Variants in PCDHA11 observed in about 807,000 individuals in gnomAD.
PCDHA11 encodes protocadherin alpha 11, also known as protocadherin alpha-11.
PCDHA11 carries 61 observed loss-of-function variants against 70.3 expected under a neutral mutation model. That is an observed-to-expected ratio of 0.87 (90% CI 0.71 to 1.07). The LOEUF is 1.07. Ranked by LOEUF, PCDHA11 falls within the 50% of genes least tolerant of loss-of-function variation. PCDHA11 has a pLI of 0.00. For synonymous variants in PCDHA11, 633 were observed against 555.1 expected (o/e 1.14, Z -1.97); for missense variants, 1,324 against 1,237.5 (o/e 1.07, Z -1.05).
At chr5:140,877,575 C>T (rs1244471489) in intron 1 of PCDHA11, 1 of 1,613,826 alleles carries the variant, frequency 6.2e-7, no homozygotes, top group Non-Finnish European at 8.5e-7. Context: ...TGTACCTCAT[C>T]ATCGCCATCT....
intron 1 of PCDHA11, chr5:140,884,363 T>A (rs1444938392): frequency 6.2e-7 from 1 of 1,613,818 alleles, no homozygotes; most frequent in African/African-American, 1.3e-5. Context: ...TGTCAATGTT[T>A]ACTTGATCAT....
At chr5:140,969,948 G>A (rs1206322511) in intron 1 of PCDHA11, among the ~76,000 whole-genome samples, 3 of 152,198 alleles carry the variant, frequency 2.0e-5, no homozygotes, top group African/African-American at 7.2e-5. Context: ...TGAAGCTAAA[G>A]TTTGCTTTGG....
chr5:140,901,642 C>T lies in PCDHA11; in HGVS notation c.2391+30148C>T, dbSNP rs369623028. Among the ~76,000 whole-genome samples, 37 of 152,054 alleles carry T rather than the reference C, an allele frequency of 2.4e-4. No individual in the cohort carries two copies. In the East Asian group the frequency reaches 3.3e-3, roughly 13 times the overall value. On this transcript the variant is annotated intron_variant, in intron 1 of 3. Transcript: ENST00000398640. ...TTGAAGTCAGGTAATGTGATTCTTC[C>T]GGTTTTGTTCTTTTTGCTCAAGATA...
chr5:140,954,523 G>A (rs1368260807), intron 1 of PCDHA11, among the ~76,000 whole-genome samples: 4 of 152,186 alleles, frequency 2.6e-5, no homozygotes, highest in African/African-American at 9.6e-5. Flanking sequence ...AATGATCAGT[G>A]ATGTTGAGGT....
chr5:140,933,388 GCCATCTGGTTA>G (rs1563137793), intron 1 of PCDHA11, among the ~76,000 whole-genome samples: 2 of 151,906 alleles, frequency 1.3e-5, no homozygotes, highest in Non-Finnish European at 2.9e-5. Context: ...TGTTCCTAGA[GCCATCTGGTTA>G]CCATCTACAG....
chr5:140,968,832 C>A (rs1554231147), intron 1 of PCDHA11: 1 of 1,614,200 alleles, frequency 6.2e-7, no homozygotes, highest in East Asian at 2.2e-5. Flanking sequence ...AAAATCCTCC[C>A]TGACACTCAG....
chr5:140,917,746 G>T (rs1200600528), intron 1 of PCDHA11, among the ~76,000 whole-genome samples: 2 of 152,122 alleles, frequency 1.3e-5, no homozygotes, highest in Non-Finnish European at 2.9e-5. Context: ...CTGTCCCATT[G>T]GTCTATGTGT....
At chr5:140,884,066 G>A in intron 1 of PCDHA11, 1 of 1,613,512 alleles carries the variant, frequency 6.2e-7, no homozygotes, top group South Asian at 1.1e-5. Flanking sequence ...GGTGGACGCC[G>A]ATTCGGGCTA....
rs2053060094 is a variant in PCDHA11, at chr5:140,871,409, T to A, written c.2306T>A (p.Met769Lys). The A allele has an allele frequency of 6.2e-7, 1 of 1,614,092 alleles. No individual in the cohort carries two copies. Among genetic ancestry groups the A allele is most frequent in the Non-Finnish European group, 8.5e-7 (1 of 1,179,968 alleles). ...SEEGPPKTDL[M>K]AFSPSLPLGL... is the part of the protein sequence containing the mutation. The stretch of plus-strand genomic sequence containing the variant: ...GAGGGCCCACCTAAGACGGACCTCA[T>A]GGCCTTCAGCCCCAGTCTTCCTCTA... Residue 769 changes from methionine to lysine, a missense_variant, in exon 1 of 4, where the codon ATG becomes AAG. By Grantham distance (95) the Met-to-Lys change is moderately conservative (BLOSUM62 -1). Transcript: ENST00000398640.
chr5:140,916,687 T>G (rs265312), intron 1 of PCDHA11, among the ~76,000 whole-genome samples: 87,944 of 152,010 alleles, frequency 0.58, 26,395 homozygotes, highest in African/African-American at 0.75. Flanking sequence ...TTTACTCTTT[T>G]CTCTCCTCTC....
intron 3 of PCDHA11, among the ~76,000 whole-genome samples, chr5:140,991,948 A>G (rs2097482017): frequency 6.6e-6 from 1 of 152,046 alleles, no homozygotes; most frequent in Non-Finnish European, 1.5e-5. Flanking sequence ...TAAAATTAGA[A>G]TGCAGTCATT....
intron 1 of PCDHA11, chr5:140,927,052 A>G: frequency 6.2e-7 from 1 of 1,611,924 alleles, no homozygotes; most frequent in Middle Eastern, 1.7e-4. Flanking sequence ...GTCCTCGCGG[A>G]ACTTTCGCTT....
At chr5:140,929,386 GAA>G in intron 1 of PCDHA11, 1 of 1,511,328 alleles carries the variant, frequency 6.6e-7, no homozygotes, top group Non-Finnish European at 8.9e-7. Context: ...GCTGTGTTTT[GAA>G]ATATTTCTTA....
intron 1 of PCDHA11, among the ~76,000 whole-genome samples, chr5:140,903,535 G>A (rs1311718035): frequency 3.3e-5 from 5 of 152,178 alleles, no homozygotes; most frequent in African/African-American, 1.2e-4. Flanking sequence ...CTTTAAACTA[G>A]AGCAAGAAAC....
At chr5:140,932,794 G>A (rs945877357) in intron 1 of PCDHA11, among the ~76,000 whole-genome samples, 46 of 151,806 alleles carry the variant, frequency 3.0e-4, no homozygotes, top group African/African-American at 4.8e-5. Flanking sequence ...TAAGAGAAAA[G>A]CAATACCTTG....
At chr5:140,956,924 G>A (rs2095321295) in intron 1 of PCDHA11, among the ~76,000 whole-genome samples, 2 of 151,898 alleles carry the variant, frequency 1.3e-5, no homozygotes, top group Non-Finnish European at 2.9e-5. Flanking sequence ...TAATCTTGCT[G>A]GATATAGGAT....
rs536787060 is a variant in PCDHA11, at chr5:140,869,190, C to G, written c.87C>G (p.Gly29=). The G allele has an allele frequency of 6.2e-7, 1 of 1,613,998 alleles. No homozygotes were observed. Among genetic ancestry groups the G allele is most frequent in the African/African-American group, 1.3e-5 (1 of 75,030 alleles). The change falls in exon 1 of 4, where the codon GGC becomes GGG. Residue 29 remains glycine (G), a synonymous_variant. Coordinates refer to ENST00000398640, the MANE Select transcript of PCDHA11 (RefSeq NM_018902.5). ...TCGAATTCTGGGAGGTGGGGAGCGG[C>G]CAGCTCCACTACTCCGTCTCGGAGG... ...LLLEFWEVGS[G]QLHYSVSEEA...
At chr5:140,991,740 GCT>G (rs1175946938) in intron 3 of PCDHA11, among the ~76,000 whole-genome samples, 3 of 152,200 alleles carry the variant, frequency 2.0e-5, no homozygotes, top group African/African-American at 7.2e-5. Context: ...GGTAATGTAG[GCT>G]CTTTCTATCA....
intron 1 of PCDHA11, among the ~76,000 whole-genome samples, chr5:140,908,700 G>A (rs1357815625): frequency 6.6e-6 from 1 of 152,184 alleles, no homozygotes; most frequent in Non-Finnish European, 1.5e-5. Flanking sequence ...GACACCTCAA[G>A]CACCATTGGA....
Sources: allele counts gnomAD v4.1 joint callset (sites outside exome capture counted in the v4.1 genomes callset), GRCh38; gene constraint gnomAD v4.1.1; transcripts MANE v1.5; gene names NCBI Gene and HGNC (gene_info 2026-07-23, HGNC 2026-07-21).